CUBN: variants seen among roughly 807,000 people sequenced by gnomAD.
The protein encoded by CUBN is cubilin, also known as 460 kDa receptor.
In CUBN, 282 loss-of-function variants were observed where a neutral mutation model predicts 405.3. The observed-to-expected ratio is 0.70, with a 90% CI of 0.63 to 0.77. The LOEUF (loss-of-function observed/expected upper bound fraction) is 0.77. Among genes scored for constraint, CUBN ranks in the 30% least tolerant of loss-of-function variants. CUBN has a pLI of 0.00. For synonymous variants in CUBN, 1,684 were observed against 1,617.0 expected, an observed-to-expected ratio of 1.04 and a Z score of -0.99; for missense variants, 4,514 against 4,475.2, an observed-to-expected ratio of 1.01 and a Z score of -0.25.
chr10:16,991,147 C>T (rs1421418487), intron 28 of CUBN, among the ~76,000 whole-genome samples: 1 of 152,152 alleles, frequency 6.6e-6, no homozygotes, highest in Non-Finnish European at 1.5e-5. Context: ...TATGTCATGC[C>T]TTAGAAAGCC....
chr10:17,101,357 A>G (rs1836489573), intron 13 of CUBN, among the ~76,000 whole-genome samples: 1 of 152,068 alleles, frequency 6.6e-6, no homozygotes, highest in Non-Finnish European at 1.5e-5. Context: ...TTTTCAAAAG[A>G]ATGTTTTCAA....
In CUBN at chr10:16,939,052, C is replaced by G. The variant is rs769530463; in HGVS notation, c.5644G>C (p.Val1882Leu). ...ACAACGTGAGATGCATTCACATTTA[C>G]TGTCCATTGGTAATTGGAGTTATGT... ...YPHNSNYQWT[V>L]NVNASHVVHG... Residue 1882 changes from valine (V) to leucine (L), a missense_variant, in exon 38 of 67, where the codon GTA (valine) becomes CTA (leucine). Val to Leu is a conservative substitution (Grantham distance 32). Around this residue, in one of 5 missense-constraint regions of CUBN, gnomAD observed 1,613 missense variants for 1,542.8 expected, o/e 1.05. Coordinates refer to ENST00000377833, the MANE Select transcript of CUBN (RefSeq NM_001081.4). 1.9e-6 allele frequency: 3 copies of G among 1,613,170 alleles called. No individual in the cohort carries two copies. The highest frequency in any genetic ancestry group is 1.7e-6 in the Non-Finnish European group (2 of 1,179,132).
intron 27 of CUBN, among the ~76,000 whole-genome samples, chr10:17,039,227 A>G (rs1221183983): frequency 6.6e-6 from 1 of 152,140 alleles, no homozygotes; most frequent in Non-Finnish European, 1.5e-5. Flanking sequence ...CATGAGTCCT[A>G]TTTTGGTTTG....
In CUBN at chr10:17,085,636, TAATC is replaced by T; in HGVS notation, c.2067_2070del (p.Ile690ValfsTer10). ...TAGGTGATATGGAAGCCTTGGTCACTAATCTGGGAGTCTGAATGGAAGTGAATTC... is the reference window on the plus strand; with the variant it reads ...TAGGTGATATGGAAGCCTTGGTCACTTGGGAGTCTGAATGGAAGTGAATTC... On this transcript the variant is annotated frameshift_variant, in exon 16 of 67. Transcript: ENST00000377833. LOFTEE classifies it high-confidence loss of function. 6.2e-7 allele frequency: 1 copy of T among 1,614,108 alleles called. No individual in the cohort carries two copies. Among genetic ancestry groups the T allele is most frequent in the Non-Finnish European group, 8.5e-7 (1 of 1,179,990 alleles).
Position 17,068,720 on chromosome 10 carries a change from A to G in CUBN, c.2676T>C (p.Gly892=). 1 of 1,612,408 alleles carries G rather than the reference A, an allele frequency of 6.2e-7. No homozygotes were observed. The highest frequency in any genetic ancestry group is 8.5e-7 in the Non-Finnish European group (1 of 1,178,632). The change falls in exon 20 of 67, where the codon GGT becomes GGC. Residue 892 remains glycine (G), a synonymous_variant. Transcript: ENST00000377833. ...LGSPENKKYC[G]TDIPSFITSV... The stretch of plus-strand genomic sequence containing the variant: ...ATGTTATAAATGAAGGTATGTCTGT[A>G]CCGCAATACTTTTTATTTTCAGGAG...
intron 28 of CUBN, among the ~76,000 whole-genome samples, chr10:16,997,555 G>A (rs974644395): frequency 2.6e-5 from 4 of 152,156 alleles, no homozygotes; most frequent in Non-Finnish European, 5.9e-5. Flanking sequence ...CAGAATCTGG[G>A]GAAGGCCCAA....
Position 16,904,130 on chromosome 10 carries a change from A to G in CUBN, c.7913-15T>C. On this transcript the variant is annotated splice_polypyrimidine_tract_variant and intron_variant, in intron 50 of 66. Coordinates refer to ENST00000377833, the MANE Select transcript of CUBN (RefSeq NM_001081.4). The stretch of plus-strand genomic sequence containing the variant: ...ATCAGCATCACCTGAACAAAATAAT[A>G]TACCAAGTGCCATCATTGATACAGC... 1 of 1,612,814 alleles carries G rather than the reference A, an allele frequency of 6.2e-7. No individual in the cohort carries two copies. Among genetic ancestry groups the G allele is most frequent in the Non-Finnish European group, 8.5e-7 (1 of 1,178,834 alleles).
chr10:16,909,300 G>C (rs1022526659), intron 48 of CUBN, among the ~76,000 whole-genome samples: 5 of 152,156 alleles, frequency 3.3e-5, no homozygotes, highest in African/African-American at 1.2e-4. Context: ...ATCATTTACT[G>C]AGCAGACAAA....
intron 19 of CUBN, among the ~76,000 whole-genome samples, chr10:17,070,923 C>T (rs1486222783): frequency 2.0e-5 from 3 of 152,142 alleles, no homozygotes; most frequent in Non-Finnish European, 2.9e-5. Context: ...TGAGAACAGA[C>T]GTTCTTGTCT....
intron 43 of CUBN, 92 bp from the exon 44 acceptor site, chr10:16,920,229 A>G (rs1841997782): frequency 1.6e-6 from 2 of 1,270,396 alleles, no homozygotes; most frequent in African/African-American, 1.5e-5. Context: ...ACTTCTCTGT[A>G]TTTTGTCTCC....
intron 33 of CUBN, among the ~76,000 whole-genome samples, chr10:16,950,902 C>T (rs1842906750): frequency 1.3e-5 from 2 of 152,158 alleles, no homozygotes; most frequent in African/African-American, 4.8e-5. Flanking sequence ...GTAAATAAGG[C>T]ATTCTTTTCT....
rs577788976 is a variant in CUBN, at chr10:17,103,783, T to A, written c.1418-546A>T. Among the ~76,000 whole-genome samples, 5 of 152,328 alleles carry A rather than the reference T, an allele frequency of 3.3e-5. No homozygotes were observed. In the South Asian group the frequency reaches 1.0e-3, roughly 32 times the overall value. On this transcript the variant is annotated intron_variant, in intron 12 of 66. Transcript: ENST00000377833. The stretch of plus-strand genomic sequence containing the variant: ...GAAGAAGTTGAGAGGGAAGTGCTCC[T>A]GAGGGACAGACACATCTGGATGAGA...
chr10:17,006,053 A>C (rs1588573324), intron 28 of CUBN, among the ~76,000 whole-genome samples: 1 of 152,128 alleles, frequency 6.6e-6, no homozygotes, highest in Non-Finnish European at 1.5e-5. Context: ...CTCAGGAGAA[A>C]CCAACCCTGC....
At chr10:17,002,151 G>C (rs1048378367) in intron 28 of CUBN, among the ~76,000 whole-genome samples, 2 of 152,110 alleles carry the variant, frequency 1.3e-5, no homozygotes, top group African/African-American at 4.8e-5. Context: ...CAAAAATTCA[G>C]GTTCTACGCT....
chr10:16,827,046 T>C (rs1194682571), intron 66 of CUBN, among the ~76,000 whole-genome samples: 2 of 152,206 alleles, frequency 1.3e-5, no homozygotes, highest in African/African-American at 4.8e-5. Context: ...CTTCTGTGCA[T>C]CCCCGTGATA....
chr10:16,847,599 A>C (rs1309732118), intron 60 of CUBN, among the ~76,000 whole-genome samples: 1 of 152,218 alleles, frequency 6.6e-6, no homozygotes, highest in Non-Finnish European at 1.5e-5. Flanking sequence ...GAACTCTTCA[A>C]GAGATGTCTT....
In CUBN at chr10:17,105,556, CG is replaced by C; in HGVS notation, c.1130del (p.Thr377SerfsTer24). 6.2e-7 allele frequency: 1 copy of C among 1,604,582 alleles called. No homozygotes were observed. Among genetic ancestry groups the C allele is most frequent in the Non-Finnish European group, 8.5e-7 (1 of 1,171,262 alleles). ...CATTTCCAGTATAACCCGGGAGACA[CG>C]TGCAGAGAGGTAAGGAACCTGTTCA... ...SSTLGSLPLCTCLPGYTGNGY... is the reference protein window; with the variant it reads ...SSTLGSLPLCXCLPGYTGNGY... On this transcript the variant is annotated frameshift_variant, in exon 11 of 67. Coordinates refer to ENST00000377833, the MANE Select transcript of CUBN (RefSeq NM_001081.4). LOFTEE classifies it high-confidence loss of function.
At chr10:16,923,052 G>C (rs1842083192) in intron 43 of CUBN, among the ~76,000 whole-genome samples, 1 of 151,834 alleles carries the variant, frequency 6.6e-6, no homozygotes, top group Non-Finnish European at 1.5e-5. Context: ...TGCCCAGGTT[G>C]GTCTCAAACT....
chr10:17,101,930 T>C (rs1242023122), intron 13 of CUBN, among the ~76,000 whole-genome samples: 2 of 152,218 alleles, frequency 1.3e-5, no homozygotes, highest in East Asian at 1.9e-4. Context: ...GAGCACTTAG[T>C]ATAGAACATG....
Sources: allele counts gnomAD v4.1 joint callset (sites outside exome capture counted in the v4.1 genomes callset), GRCh38; gene constraint gnomAD v4.1.1; regional missense constraint gnomAD v4.1.1; transcripts MANE v1.5; gene names NCBI Gene and HGNC (gene_info 2026-07-23, HGNC 2026-07-21).